SOWAHA: variants seen among roughly 807,000 people sequenced by gnomAD.
SOWAHA encodes the protein sosondowah ankyrin repeat domain family member A, also known as ankyrin repeat domain-containing protein SOWAHA.
A neutral mutation model predicts 21.1 loss-of-function variants in SOWAHA; 17 were observed. That is an observed-to-expected ratio of 0.80 (90% CI 0.55 to 1.21). The LOEUF is 1.21. SOWAHA is among the 50% of genes most tolerant of loss of function. The probability of loss-of-function intolerance (pLI) is 0.00; values close to 1 mark genes in which losing one functional copy is unlikely to be tolerated. For missense variants in SOWAHA, 862 were observed against 816.0 expected, an observed-to-expected ratio of 1.06 and a Z score of -0.69; for synonymous variants, 422 against 397.1, an observed-to-expected ratio of 1.06 and a Z score of -0.75.
At position 132,813,689 on chromosome 5, in the gene SOWAHA, T is replaced by C. The variant is rs1406068282; in HGVS notation, c.68T>C (p.Leu23Pro). ...AGCCAGGCGGCGGTGCTGGGCTTCC[T>C]GCAGGAGCACGGCGGGAAGGTGCGC... ...GVSQAAVLGF[L>P]QEHGGKVRNS... Residue 23 changes from leucine (L) to proline (P), a missense_variant, in exon 1 of 1, where the codon CTG (leucine) becomes CCG (proline). Physicochemically the swap from Leu to Pro is moderately conservative, Grantham distance 98. Transcript: ENST00000378693. 7.2e-6 allele frequency: 11 copies of C among 1,529,626 alleles called. No individual in the cohort carries two copies. Among genetic ancestry groups the C allele is most frequent in the Non-Finnish European group, 8.8e-6 (10 of 1,138,924 alleles). The allele number at this position is 1,529,626 out of a possible 1,614,324, so 94.8% of individuals were successfully genotyped here. A position where few individuals can be genotyped will look rare whatever the true frequency, so the allele number is the denominator to read the frequency against.
In SOWAHA at chr5:132,815,203, G is replaced by A. The variant is rs777811723; in HGVS notation, c.1582G>A (p.Glu528Lys). 3.7e-6 allele frequency: 6 copies of A among 1,613,620 alleles called. No homozygotes were observed. In the South Asian group the frequency reaches 4.4e-5, roughly 12 times the overall value. The change falls in exon 1 of 1, where the codon GAA becomes AAA. Residue 528 changes from glutamate (E) to lysine (K), a missense_variant. Physicochemically the swap from Glu to Lys is moderately conservative, Grantham distance 56. Transcript: ENST00000378693. ...KIRGGLPAFS[E>K]ISRRPTPGPL... ...CCGCGGTGGTCTGCCAGCCTTCTCA[G>A]AAATCTCTCGTCGACCTACTCCGGG...
rs375273970 is a variant in SOWAHA at position 132,813,713 on chromosome 5, G to A, written c.92G>A (p.Arg31His). Residue 31 changes from arginine to histidine, a missense_variant, in exon 1 of 1, where the codon CGC (arginine) becomes CAC (histidine). Transcript: ENST00000378693. ...GFLQEHGGKVRNSELLSRFKP... is the reference protein window; with the variant it reads ...GFLQEHGGKVHNSELLSRFKP... ...CTGCAGGAGCACGGCGGGAAGGTGC[G>A]CAACTCCGAGCTGCTGAGCCGCTTC... 615 of 1,541,100 alleles carry A rather than the reference G, an allele frequency of 4.0e-4. 6 individuals carry two copies. In the African/African-American group the frequency reaches 8.0e-3, roughly 20 times the overall value.
At position 132,814,988 on chromosome 5, in the gene SOWAHA, G is replaced by T; in HGVS notation, c.1367G>T (p.Ser456Ile). 6.3e-7 allele frequency: 1 copy of T among 1,595,284 alleles called. No individual in the cohort carries two copies. The highest frequency in any genetic ancestry group is 8.5e-7 in the Non-Finnish European group (1 of 1,171,712). Residue 456 changes from serine to isoleucine, a missense_variant, in exon 1 of 1, where the codon AGT (serine) becomes ATT (isoleucine). Transcript: ENST00000378693. ...TTEPDATGGG[S>I]GSLAARRPVQ... ...GAGCCAGATGCGACCGGTGGTGGAA[G>T]TGGCAGTCTTGCTGCCAGGCGCCCC... is the stretch of plus-strand genomic sequence containing the variant.
Position 132,815,101 on chromosome 5 carries a change from C to T in SOWAHA, c.1480C>T (p.Arg494Ter), listed in dbSNP as rs773350696. ...CGACCTCATGCTCCAGGACCTGGCC[C>T]GAGGCTTGAAGAAGTCGAGCTCCTT... Reference protein sequence around the residue: ...ADDLMLQDLARGLKKSSSFSK... With the variant: ...ADDLMLQDLA The change falls in exon 1 of 1, where the codon CGA (arginine) becomes TGA (stop). Residue 494 changes from arginine to a stop codon, truncating the protein, a stop_gained. Coordinates refer to ENST00000378693, the MANE Select transcript of SOWAHA (RefSeq NM_175873.6). LOFTEE classifies it high-confidence loss of function. 4 of 1,613,752 alleles carry T rather than the reference C, an allele frequency of 2.5e-6. No homozygotes were observed. In the African/African-American group the frequency reaches 4.0e-5, roughly 16 times the overall value.
In SOWAHA at chr5:132,815,092, G is replaced by A; in HGVS notation, c.1471G>A (p.Asp491Asn). 6.2e-7 allele frequency: 1 copy of A among 1,613,866 alleles called. No individual in the cohort carries two copies. The highest frequency in any genetic ancestry group is 1.7e-5 in the Admixed American group (1 of 60,004). Residue 491 changes from aspartate to asparagine, a missense_variant, in exon 1 of 1, where the codon GAC (aspartate) becomes AAC (asparagine). Physicochemically the swap from Asp to Asn is conservative, Grantham distance 23. Transcript: ENST00000378693. Reference sequence around the variant, plus strand: ...CCTGGCTGACGACCTCATGCTCCAGGACCTGGCCCGAGGCTTGAAGAAGTC... The same window carrying A: ...CCTGGCTGACGACCTCATGCTCCAGAACCTGGCCCGAGGCTTGAAGAAGTC... ...GVLADDLMLQ[D>N]LARGLKKSSS...
At position 132,813,961 on chromosome 5, in the gene SOWAHA, G is replaced by A. The variant is rs755223724; in HGVS notation, c.340G>A (p.Ala114Thr). ...KPTSTVLPRS[A>T]SAPGAPPLVR... Reference sequence around the variant, plus strand: ...CACTTCGACGGTCTTGCCGCGGAGCGCCTCTGCCCCGGGAGCTCCGCCCTT... The same window carrying A: ...CACTTCGACGGTCTTGCCGCGGAGCACCTCTGCCCCGGGAGCTCCGCCCTT... The change falls in exon 1 of 1, where the codon GCC (alanine) becomes ACC (threonine). Residue 114 changes from alanine (A) to threonine (T), a missense_variant. Coordinates refer to ENST00000378693, the MANE Select transcript of SOWAHA (RefSeq NM_175873.6). 1 of 1,543,508 alleles carries A rather than the reference G, an allele frequency of 6.5e-7. No homozygotes were observed. The highest frequency in any genetic ancestry group is 8.7e-7 in the Non-Finnish European group (1 of 1,144,476).
chr5:132,815,222 C>T lies in SOWAHA; in HGVS notation c.1601C>T (p.Thr534Ile). The T allele has an allele frequency of 6.2e-7, 1 of 1,613,614 alleles. No homozygotes were observed. The highest frequency in any genetic ancestry group is 2.2e-5 in the East Asian group (1 of 44,890). Residue 534 changes from threonine to isoleucine, a missense_variant, in exon 1 of 1, where the codon ACT becomes ATT. Transcript: ENST00000378693. ...PAFSEISRRP[T>I]PGPLAGLVPS... Reference sequence around the variant, plus strand: ...TTCTCAGAAATCTCTCGTCGACCTACTCCGGGGCCTTTAGCTGGTCTAGTG... The same window carrying T: ...TTCTCAGAAATCTCTCGTCGACCTATTCCGGGGCCTTTAGCTGGTCTAGTG...
rs997134818 is a variant in SOWAHA, at chr5:132,816,246, A to T, written c.*975A>T. ...CAAATCCAGTGGAGCCTTTCAGTGAAATAGGTGACTATTAAAAAAGTAATA... is the reference window on the plus strand; with the variant it reads ...CAAATCCAGTGGAGCCTTTCAGTGATATAGGTGACTATTAAAAAAGTAATA... On this transcript the variant is annotated 3_prime_UTR_variant, in exon 1 of 1. Coordinates refer to ENST00000378693, the MANE Select transcript of SOWAHA (RefSeq NM_175873.6). 6.0e-6 allele frequency: 1 copy of T among 167,148 alleles called. No homozygotes were observed. Among genetic ancestry groups the T allele is most frequent in the Non-Finnish European group, 1.5e-5 (1 of 68,132 alleles). 10.4% of individuals were successfully genotyped at this position (167,148 alleles called of 1,614,324 possible). A position where few individuals can be genotyped will look rare whatever the true frequency, so the allele number is the denominator to read the frequency against.
In SOWAHA at chr5:132,814,889, A is replaced by G. The variant is rs774888246; in HGVS notation, c.1268A>G (p.Tyr423Cys). Residue 423 changes from tyrosine (Y) to cysteine (C), a missense_variant, in exon 1 of 1, where the codon TAC becomes TGC. Physicochemically the swap from Tyr to Cys is radical, Grantham distance 194. Transcript: ENST00000378693. ...CGTGATCACAGCGGGCGTCGCGCCT[A>G]CCAGTACCTGCGGCCCGGCTCCTCG... ...HVRDHSGRRA[Y>C]QYLRPGSSYA... 2.7e-5 allele frequency: 42 copies of G among 1,540,908 alleles called. No homozygotes were observed. The highest frequency in any genetic ancestry group is 3.7e-5 in the Non-Finnish European group (42 of 1,143,340).
In SOWAHA at chr5:132,813,942, G is replaced by C; in HGVS notation, c.321G>C (p.Ser107=). The C allele has an allele frequency of 6.5e-7, 1 of 1,545,922 alleles. No homozygotes were observed. Among genetic ancestry groups the C allele is most frequent in the Non-Finnish European group, 8.7e-7 (1 of 1,145,274 alleles). The change falls in exon 1 of 1, where the codon TCG becomes TCC. Residue 107 remains serine (S), a synonymous_variant. Coordinates refer to ENST00000378693, the MANE Select transcript of SOWAHA (RefSeq NM_175873.6). ...CGGCCCAGCCGTCGAAACCCACTTC[G>C]ACGGTCTTGCCGCGGAGCGCCTCTG... ...GAAAQPSKPT[S]TVLPRSASAP... is the part of the protein sequence containing the mutation.
At position 132,814,151 on chromosome 5, in the gene SOWAHA, C is replaced by T. The variant is rs1483497372; in HGVS notation, c.530C>T (p.Pro177Leu). The part of the protein sequence containing the change: ...ALELAQATER[P>L]SADAAPPPRA... ...GAGCTAGCCCAGGCCACCGAGAGAC[C>T]CTCCGCAGACGCGGCCCCACCGCCT... is the stretch of plus-strand genomic sequence containing the variant. The change falls in exon 1 of 1, where the codon CCC becomes CTC. Residue 177 changes from proline (P) to leucine (L), a missense_variant. Transcript: ENST00000378693. The T allele has an allele frequency of 7.5e-6, 12 of 1,599,452 alleles. No individual in the cohort carries two copies. The highest frequency in any genetic ancestry group is 1.0e-5 in the Non-Finnish European group (12 of 1,178,922).
chr5:132,814,906 G>A lies in SOWAHA; in HGVS notation c.1285G>A (p.Gly429Ser), dbSNP rs765962679. The A allele has an allele frequency of 1.3e-6, 2 of 1,544,076 alleles. No homozygotes were observed. Among genetic ancestry groups the A allele is most frequent in the Admixed American group, 2.0e-5 (1 of 51,242 alleles). The change falls in exon 1 of 1, where the codon GGC (glycine) becomes AGC (serine). Residue 429 changes from glycine (G) to serine (S), a missense_variant. Physicochemically the swap from Gly to Ser is moderately conservative, Grantham distance 56. Transcript: ENST00000378693. Reference sequence around the variant, plus strand: ...TCGCGCCTACCAGTACCTGCGGCCCGGCTCCTCGTACGCGCTGCGCCGCCT... The same window carrying A: ...TCGCGCCTACCAGTACCTGCGGCCCAGCTCCTCGTACGCGCTGCGCCGCCT... Reference protein sequence around the residue: ...GRRAYQYLRPGSSYALRRLLG... With the variant: ...GRRAYQYLRPSSSYALRRLLG...
Position 132,815,359 on chromosome 5 carries a change from T to TGG in SOWAHA, c.*89_*90dup. 1 of 1,190,506 alleles carries TGG rather than the reference T, an allele frequency of 8.4e-7. No homozygotes were observed. Among genetic ancestry groups the TGG allele is most frequent in the Non-Finnish European group, 1.2e-6 (1 of 852,672 alleles). 73.7% of individuals were successfully genotyped at this position (1,190,506 alleles called of 1,614,324 possible). ...CCAAGACTGCAGCCCAATCAACGCCTGGAGCCTCATTCTGTTTCCAGCTTT... is the reference window on the plus strand; with the variant it reads ...CCAAGACTGCAGCCCAATCAACGCCTGGGGAGCCTCATTCTGTTTCCAGCTTT... On this transcript the variant is annotated 3_prime_UTR_variant, in exon 1 of 1. Coordinates refer to ENST00000378693, the MANE Select transcript of SOWAHA (RefSeq NM_175873.6).
rs1758371217 is a variant in SOWAHA at position 132,815,179 on chromosome 5, CGCGGTGGTCT to C, written c.1561_1570del (p.Gly521GlnfsTer15). ...GGCTCCACGTAAAAAGACAAAGATC[CGCGGTGGTCT>C]GCCAGCCTTCTCAGAAATCTCTCGT... is the stretch of plus-strand genomic sequence containing the variant. On this transcript the variant is annotated frameshift_variant, in exon 1 of 1. Coordinates refer to ENST00000378693, the MANE Select transcript of SOWAHA (RefSeq NM_175873.6). LOFTEE classifies it high-confidence loss of function. 6.2e-7 allele frequency: 1 copy of C among 1,613,870 alleles called. No homozygotes were observed. The highest frequency in any genetic ancestry group is 8.5e-7 in the Non-Finnish European group (1 of 1,180,048).
In SOWAHA at chr5:132,815,163, TAA is replaced by T. The variant is rs759264344; in HGVS notation, c.1546_1547del (p.Lys516AspfsTer90). 4 of 1,613,998 alleles carry T rather than the reference TAA, an allele frequency of 2.5e-6. No homozygotes were observed. In the African/African-American group the frequency reaches 5.3e-5, roughly 22 times the overall value. ...FLSASPMAPR[K>X]KTKIRGGLPA... ...TGAGCGCCTCGCCCATGGCTCCACG[TAA>T]AAAGACAAAGATCCGCGGTGGTCTG... is the stretch of plus-strand genomic sequence containing the variant. On this transcript the variant is annotated frameshift_variant, in exon 1 of 1. Transcript: ENST00000378693. LOFTEE classifies it high-confidence loss of function.
Position 132,814,025 on chromosome 5 carries a change from T to C in SOWAHA, c.404T>C (p.Leu135Pro), listed in dbSNP as rs1429808078. ...VPRPVEPPGDLGLPTEPQDTP... is the reference protein window; with the variant it reads ...VPRPVEPPGDPGLPTEPQDTP... ...CGGCCAGTGGAGCCGCCAGGGGACC[T>C]GGGTCTGCCAACAGAGCCACAGGAC... Residue 135 changes from leucine (L) to proline (P), a missense_variant, in exon 1 of 1, where the codon CTG becomes CCG. Coordinates refer to ENST00000378693, the MANE Select transcript of SOWAHA (RefSeq NM_175873.6). 1 of 1,547,646 alleles carries C rather than the reference T, an allele frequency of 6.5e-7. No homozygotes were observed. The highest frequency in any genetic ancestry group is 8.7e-7 in the Non-Finnish European group (1 of 1,150,608).
Position 132,814,592 on chromosome 5 carries a change from C to A in SOWAHA, c.971C>A (p.Thr324Asn). The change falls in exon 1 of 1, where the codon ACC becomes AAC. Residue 324 changes from threonine (T) to asparagine (N), a missense_variant. Coordinates refer to ENST00000378693, the MANE Select transcript of SOWAHA (RefSeq NM_175873.6). Reference sequence around the variant, plus strand: ...GTGCGGACTGCCGGGGGCCGCTGGACCCACCAGCTGCACGGGCTGCTGCTG... The same window carrying A: ...GTGCGGACTGCCGGGGGCCGCTGGAACCACCAGCTGCACGGGCTGCTGCTG... ...WLVRTAGGRW[T>N]HQLHGLLLRD... 6.7e-7 allele frequency: 1 copy of A among 1,499,846 alleles called. No homozygotes were observed. The highest frequency in any genetic ancestry group is 1.3e-5 in the South Asian group (1 of 78,938). 92.9% of individuals were successfully genotyped at this position (1,499,846 alleles called of 1,614,324 possible). A position where few individuals can be genotyped will look rare whatever the true frequency, so the allele number is the denominator to read the frequency against.
chr5:132,816,696 C>G lies in SOWAHA; in HGVS notation c.*1425C>G, dbSNP rs993980467. The G allele has an allele frequency of 1.8e-5, 3 of 167,082 alleles. No homozygotes were observed. Among genetic ancestry groups the G allele is most frequent in the Non-Finnish European group, 4.4e-5 (3 of 68,126 alleles). 10.3% of individuals were successfully genotyped at this position (167,082 alleles called of 1,614,324 possible). A position where few individuals can be genotyped will look rare whatever the true frequency, so the allele number is the denominator to read the frequency against. Reference sequence around the variant, plus strand: ...GTAGTGGAGCTTCCCTCCCCACCCCCATATGTATCAGTGAAGCCTTTGAAA... The same window carrying G: ...GTAGTGGAGCTTCCCTCCCCACCCCGATATGTATCAGTGAAGCCTTTGAAA... On this transcript the variant is annotated 3_prime_UTR_variant, in exon 1 of 1. Transcript: ENST00000378693.
At position 132,814,189 on chromosome 5, in the gene SOWAHA, G is replaced by A. The variant is rs752533705; in HGVS notation, c.568G>A (p.Glu190Lys). The A allele has an allele frequency of 3.1e-6, 5 of 1,595,230 alleles. No individual in the cohort carries two copies. The highest frequency in any genetic ancestry group is 1.3e-5 in the African/African-American group (1 of 74,616). The change falls in exon 1 of 1, where the codon GAG becomes AAG. Residue 190 changes from glutamate to lysine, a missense_variant. Physicochemically the swap from Glu to Lys is moderately conservative, Grantham distance 56. Transcript: ENST00000378693. ...GGCCCCACCGCCTAGGGCCCCTTCT[G>A]AGGCGGCATCGCCCTGCTCTGATCC... ...DAAPPPRAPS[E>K]AASPCSDPPD...
Sources: allele counts gnomAD v4.1 joint callset, GRCh38; gene constraint gnomAD v4.1.1; transcripts MANE v1.5; gene names NCBI Gene and HGNC (gene_info 2026-07-23, HGNC 2026-07-21).